The following ACOX3 variants were observed in gnomAD, a reference collection of about 807,000 sequenced individuals.
ACOX3 encodes the protein peroxisomal acyl-coenzyme A oxidase 3.
ACOX3 carries 73 observed loss-of-function variants against 81.5 expected under a neutral mutation model. The observed-to-expected ratio is 0.90, with a 90% confidence interval of 0.74 to 1.09. The LOEUF (loss-of-function observed/expected upper bound fraction) is 1.09. Ranked by LOEUF, ACOX3 falls within the 50% of genes least tolerant of loss-of-function variation. ACOX3 has a pLI of 0.00. For missense variants in ACOX3, 947 were observed against 928.0 expected (o/e 1.02, Z -0.27); for synonymous variants, 387 against 375.1 (o/e 1.03, Z -0.37).
rs73085870 is a variant in ACOX3, at chr4:8,371,129, C to G, written c.1897-135G>C. ...TGAGCGGCACGTGCGGCTCTGCTGC[C>G]CATGCGTGATCTCTTCACCGGCCTG... On this transcript the variant is annotated intron_variant, in intron 16 of 17. Coordinates refer to ENST00000356406, the MANE Select transcript of ACOX3 (RefSeq NM_003501.3). 6.2e-3 allele frequency: 4,432 copies of G among 719,338 alleles called. 155 individuals carry two copies. In the African/African-American group the frequency reaches 0.069, roughly 11 times the overall value. The allele number at this position is 719,338 out of a possible 1,614,324, so 44.6% of individuals were successfully genotyped here.
chr4:8,386,521 A>G lies in ACOX3; in HGVS notation c.1537+2652T>C, dbSNP rs534662188. ...GTGGAGCTTGCAGTGAGCCGAGATCATACCACTGCACTCCAGCCTGGGCGA... is the reference window on the plus strand; with the variant it reads ...GTGGAGCTTGCAGTGAGCCGAGATCGTACCACTGCACTCCAGCCTGGGCGA... On this transcript the variant is annotated intron_variant, in intron 13 of 17. Transcript: ENST00000356406. This position sits in a 1 kb window ranked among gnomAD's most constrained non-coding sequence, Gnocchi z 5.2. Among the ~76,000 whole-genome samples, 95 of 150,986 alleles carry G rather than the reference A, an allele frequency of 6.3e-4. No homozygotes were observed. The highest frequency in any genetic ancestry group is 5.9e-4 in the Non-Finnish European group (40 of 67,742).
At position 8,423,326 on chromosome 4, in the gene ACOX3, C is replaced by A. The variant is rs1723146860; in HGVS notation, c.-14-6791G>T. Among the ~76,000 whole-genome samples the A allele has an allele frequency of 6.6e-6, 1 of 152,108 alleles. No homozygotes were observed. Among genetic ancestry groups the A allele is most frequent in the Non-Finnish European group, 1.5e-5 (1 of 68,032 alleles). On this transcript the variant is annotated intron_variant, in intron 1 of 17. Transcript: ENST00000356406. The surrounding 1 kb of genome is among the most constrained non-coding windows in gnomAD (Gnocchi z 4.2). ...ACACCTGAACATGGGAGAAGGAACA[C>A]CGTTTGCTGTCCCCTACTTGAGGAA...
At position 8,384,736 on chromosome 4, in the gene ACOX3, G is replaced by A. The variant is rs558319157; in HGVS notation, c.1538-3129C>T. On this transcript the variant is annotated intron_variant, in intron 13 of 17. Coordinates refer to ENST00000356406, the MANE Select transcript of ACOX3 (RefSeq NM_003501.3). This position sits in a 1 kb window ranked among gnomAD's most constrained non-coding sequence, Gnocchi z 5.3. ...CGTCTCTGGGTCCAGTCCCCTCTGCGTCAGCATCAGAGCACTCCTAACTCG... is the reference window on the plus strand; with the variant it reads ...CGTCTCTGGGTCCAGTCCCCTCTGCATCAGCATCAGAGCACTCCTAACTCG... Among the ~76,000 whole-genome samples the A allele has an allele frequency of 9.2e-5, 14 of 152,228 alleles. No individual in the cohort carries two copies. In the South Asian group the frequency reaches 2.5e-3, roughly 27 times the overall value.
chr4:8,421,660 C>T (rs1722960982), intron 1 of ACOX3, among the ~76,000 whole-genome samples: 1 of 152,226 alleles, frequency 6.6e-6, no homozygotes, highest in Non-Finnish European at 1.5e-5. Context: ...AGTATTAGAG[C>T]AAGTTGTATC....
chr4:8,405,512 A>G lies in ACOX3; in HGVS notation c.776+443T>C, dbSNP rs957998364. On this transcript the variant is annotated intron_variant, in intron 7 of 17. Coordinates refer to ENST00000356406, the MANE Select transcript of ACOX3 (RefSeq NM_003501.3). The surrounding 1 kb of genome is among the most constrained non-coding windows in gnomAD (Gnocchi z 7.1). ...GAATTCTCTTTCTAAGTGCTGTGACACTGGGATTACCCGGAAAGGAGCAAG... is the reference window on the plus strand; with the variant it reads ...GAATTCTCTTTCTAAGTGCTGTGACGCTGGGATTACCCGGAAAGGAGCAAG... 6.6e-6 allele frequency among the ~76,000 whole-genome samples: 1 copy of G among 152,232 alleles called. No homozygotes were observed. Among genetic ancestry groups the G allele is most frequent in the Non-Finnish European group, 1.5e-5 (1 of 68,030 alleles).
intron 8 of ACOX3, among the ~76,000 whole-genome samples, chr4:8,398,619 G>A (rs1412701055): frequency 6.6e-6 from 1 of 152,132 alleles, no homozygotes; most frequent in East Asian, 1.9e-4. Flanking sequence ...CGGACCACAG[G>A]CACACGCTAC....
intron 1 of ACOX3, chr4:8,439,396 C>T (rs1399109938): frequency 6.6e-6 from 1 of 152,200 alleles, no homozygotes; most frequent in Non-Finnish European, 1.5e-5. Flanking sequence ...TGGCTGAAAA[C>T]ATTGCCAGCA....
Position 8,415,943 on chromosome 4 carries a change from G to A in ACOX3, c.201C>T (p.Ala67=), listed in dbSNP as rs202000011. The A allele has an allele frequency of 1.2e-5, 19 of 1,614,086 alleles. No individual in the cohort carries two copies. Among genetic ancestry groups the A allele is most frequent in the South Asian group, 4.4e-5 (4 of 91,084 alleles). The part of the protein sequence containing the change: ...NDPLFARSPG[A]DLSLEKYREL... The stretch of plus-strand genomic sequence containing the variant: ...CGCGATACTTCTCCAAGGACAGATC[G>A]GCTCCAGGGGAACGAGCGAAAAGAG... Residue 67 remains alanine (A), a synonymous_variant, in exon 3 of 18, where the codon GCC becomes GCT. Transcript: ENST00000356406.
chr4:8,391,158 G>A (rs1425120216), intron 11 of ACOX3, among the ~76,000 whole-genome samples: 1 of 152,118 alleles, frequency 6.6e-6, no homozygotes, highest in Non-Finnish European at 1.5e-5. Flanking sequence ...GAATCCCGAT[G>A]AGTTACAAAG....
Position 8,386,402 on chromosome 4 carries a change from T to TA in ACOX3, c.1537+2770dup, listed in dbSNP as rs1438146268. 2.0e-5 allele frequency among the ~76,000 whole-genome samples: 3 copies of TA among 151,672 alleles called. No individual in the cohort carries two copies. The highest frequency in any genetic ancestry group is 7.3e-5 in the African/African-American group (3 of 41,268). ...TAACACGGTGAAACTCCGTCTCTAC[T>TA]AAAAATACAAAAAATTAGCCGGGTG... On this transcript the variant is annotated intron_variant, in intron 13 of 17. Transcript: ENST00000356406. The surrounding 1 kb of genome is among the most constrained non-coding windows in gnomAD (Gnocchi z 5.2).
intron 13 of ACOX3, among the ~76,000 whole-genome samples, chr4:8,387,776 G>A (rs990715980): frequency 1.3e-5 from 2 of 152,202 alleles, no homozygotes; most frequent in South Asian, 2.1e-4. Context: ...ACAGGCTTGG[G>A]TTTGAATCCT....
At position 8,382,172 on chromosome 4, in the gene ACOX3, T is replaced by C. The variant is rs12504709; in HGVS notation, c.1538-565A>G. ...AGGCCTCACCCCCTGCGTGGCCCCT[T>C]CCACAAAGCTCAAAAGGGCAGGAGG... is the stretch of plus-strand genomic sequence containing the variant. On this transcript the variant is annotated intron_variant, in intron 13 of 17. Coordinates refer to ENST00000356406, the MANE Select transcript of ACOX3 (RefSeq NM_003501.3). This position sits in a 1 kb window ranked among gnomAD's most constrained non-coding sequence, Gnocchi z 4.1. Among the ~76,000 whole-genome samples the C allele has an allele frequency of 0.062, 9,423 of 152,174 alleles. 376 individuals carry two copies. Among genetic ancestry groups the C allele is most frequent in the African/African-American group, 0.1 (4,251 of 41,510 alleles).
chr4:8,438,833 G>C (rs1427992771), intron 1 of ACOX3: 1 of 152,218 alleles, frequency 6.6e-6, no homozygotes, highest in East Asian at 1.9e-4. Context: ...AGGACAAGTA[G>C]ACCAGCCAGC....
Position 8,394,651 on chromosome 4 carries a change from C to T in ACOX3, c.1148G>A (p.Gly383Glu). Residue 383 changes from glycine (G) to glutamate (E), a missense_variant, in exon 10 of 18, where the codon GGA becomes GAA. By Grantham distance (98) the Gly-to-Glu change is moderately conservative (BLOSUM62 -2). Transcript: ENST00000356406. The surrounding 1 kb of genome is among the most constrained non-coding windows in gnomAD (Gnocchi z 5.9). ...GGCGCTGCGGTCTCCCGATGCAAGT[C>T]CTCGCTGGAGCTCCACCAGGTCCAG... Reference protein sequence around the residue: ...LFLDLVELQRGLASGDRSARQ... With the variant: ...LFLDLVELQRELASGDRSARQ... 6.2e-7 allele frequency: 1 copy of T among 1,613,870 alleles called. No individual in the cohort carries two copies. Among genetic ancestry groups the T allele is most frequent in the Middle Eastern group, 1.7e-4 (1 of 6,052 alleles).
intron 6 of ACOX3, among the ~76,000 whole-genome samples, chr4:8,408,291 C>T (rs1721246577): frequency 6.6e-6 from 1 of 151,776 alleles, no homozygotes; most frequent in African/African-American, 2.4e-5. Flanking sequence ...AGAAAGAAAC[C>T]TGCAAAAGAT....
intron 6 of ACOX3, among the ~76,000 whole-genome samples, chr4:8,409,184 A>T (rs985135313): frequency 6.6e-6 from 1 of 152,268 alleles, no homozygotes; most frequent in Non-Finnish European, 1.5e-5. Context: ...AAAAGAAAAA[A>T]ACGTAAAACT....
intron 1 of ACOX3, among the ~76,000 whole-genome samples, chr4:8,433,799 T>G (rs570385463): frequency 1.4e-4 from 22 of 152,192 alleles, no homozygotes; most frequent in Admixed American, 8.5e-4. Flanking sequence ...TGGAGGTTTT[T>G]GGATTTTACT....
Position 8,406,841 on chromosome 4 carries a change from C to T in ACOX3, c.688-798G>A, listed in dbSNP as rs148465575. On this transcript the variant is annotated intron_variant, in intron 6 of 17. Transcript: ENST00000356406. This position sits in a 1 kb window ranked among gnomAD's most constrained non-coding sequence, Gnocchi z 5.6. ...ATGGAACATGAAGGTGGACTAGGAG[C>T]GTGACCACTGAAGCACGGCATCACA... Among the ~76,000 whole-genome samples, 676 of 152,282 alleles carry T rather than the reference C, an allele frequency of 4.4e-3. 4 individuals carry two copies. The highest frequency in any genetic ancestry group is 8.4e-3 in the Non-Finnish European group (568 of 68,012).
chr4:8,387,650 C>T (rs796855847), intron 13 of ACOX3, among the ~76,000 whole-genome samples: 3 of 152,160 alleles, frequency 2.0e-5, no homozygotes, highest in African/African-American at 7.2e-5. Flanking sequence ...GACAGGGACA[C>T]GGGTGGCACG....
Sources: allele counts gnomAD v4.1 joint callset (sites outside exome capture counted in the v4.1 genomes callset), GRCh38; gene constraint gnomAD v4.1.1; non-coding constraint Gnocchi (gnomAD v3.1); transcripts MANE v1.5; gene names NCBI Gene and HGNC (gene_info 2026-07-23, HGNC 2026-07-21).